Variants in POC1B observed in about 807,000 individuals in gnomAD.
The protein encoded by POC1B is POC1 centriolar protein homolog B.
Under a neutral mutation model 60.6 loss-of-function variants are expected in POC1B, and 44 were observed. The observed-to-expected ratio is 0.73, with a 90% CI of 0.57 to 0.93. The LOEUF (loss-of-function observed/expected upper bound fraction) is 0.93. Ranked by LOEUF, POC1B falls within the 40% of genes least tolerant of loss-of-function variation. POC1B has a pLI of 0.00. For synonymous variants in POC1B, 180 were observed against 198.9 expected (o/e 0.90, Z 0.80); for missense variants, 555 against 572.3 (o/e 0.97, Z 0.31).
At chr12:89,515,872 C>A (rs1870418614) in intron 2 of POC1B, among the ~76,000 whole-genome samples, 1 of 152,176 alleles carries the variant, frequency 6.6e-6, no homozygotes, top group South Asian at 2.1e-4. Flanking sequence ...TCATTTCTCT[C>A]CTTATTCAAT....
At chr12:89,523,563 T>C in intron 2 of POC1B, 1 of 1,595,158 alleles carries the variant, frequency 6.3e-7, no homozygotes. Flanking sequence ...CTTCCATTCC[T>C]GTGTCATACG....
chr12:89,515,523 G>A (rs4842493), intron 2 of POC1B, among the ~76,000 whole-genome samples: 109,953 of 151,920 alleles, frequency 0.72, 39,895 homozygotes, highest in Middle Eastern at 0.82. Context: ...TTTAGATAGA[G>A]TGATCAGGGG....
chr12:89,467,038 T>C, intron 8 of POC1B, 116 bp from the exon 9 acceptor site: 2 of 690,964 alleles, frequency 2.9e-6, no homozygotes, highest in South Asian at 3.3e-5. Context: ...GGTAGATATA[T>C]ATTTCAACTA....
chr12:89,459,811 T>C (rs1317413283), intron 9 of POC1B, 93 bp from the exon 10 acceptor site: 3 of 679,776 alleles, frequency 4.4e-6, no homozygotes, highest in African/African-American at 1.9e-5. Context: ...TTCTAATATA[T>C]TCTAAAATTA....
intron 2 of POC1B, chr12:89,500,989 T>G (rs1405663604): frequency 1.1e-6 from 1 of 924,492 alleles, no homozygotes; most frequent in African/African-American, 1.6e-5. Context: ...CCCGATGATA[T>G]GAAGTTGATA....
chr12:89,448,154 G>A (rs1881870106), intron 10 of POC1B, among the ~76,000 whole-genome samples: 1 of 152,014 alleles, frequency 6.6e-6, no homozygotes, highest in African/African-American at 2.4e-5. Context: ...AAAAATAAAA[G>A]TCAGGATGGG....
intron 10 of POC1B, among the ~76,000 whole-genome samples, chr12:89,432,341 G>A (rs958864202): frequency 2.4e-5 from 3 of 126,340 alleles, no homozygotes; most frequent in East Asian, 2.5e-4. Context: ...AGCCCAGATC[G>A]AGCCACTGTA....
the POC1B span, among the ~76,000 whole-genome samples, chr12:89,407,135 C>T: frequency 1.1e-4 from 12 of 104,972 alleles, no homozygotes; most frequent in South Asian, 3.3e-4. Flanking sequence ...GGTGACAGAG[C>T]GAGACTCCGT....
downstream of POC1B, among the ~76,000 whole-genome samples, chr12:89,415,354 A>T (rs1486943282): frequency 1.3e-5 from 2 of 152,234 alleles, no homozygotes; most frequent in African/African-American, 4.8e-5. Flanking sequence ...TTTATTAATA[A>T]CAATAATAGC....
chr12:89,502,221 G>A lies in POC1B; in HGVS notation c.101-4879C>T. 8.6e-6 allele frequency: 10 copies of A among 1,164,832 alleles called. No individual in the cohort carries two copies. The South Asian group carries it at 1.3e-4, about 15-fold the overall frequency. 72.2% of individuals were successfully genotyped at this position (1,164,832 alleles called of 1,614,324 possible). A position where few individuals can be genotyped will look rare whatever the true frequency, so the allele number is the denominator to read the frequency against. On this transcript the variant is annotated intron_variant, in intron 2 of 11. Coordinates refer to ENST00000313546, the MANE Select transcript of POC1B (RefSeq NM_172240.3). ...AGAATAATAATGATGTGGATGATGA[G>A]GAAGTTCCTGGAAGTTCAGATGACT...
chr12:89,463,072 C>CT lies in POC1B; in HGVS notation c.1033-3355dup, dbSNP rs551913963. On this transcript the variant is annotated intron_variant, in intron 9 of 11. Coordinates refer to ENST00000313546, the MANE Select transcript of POC1B (RefSeq NM_172240.3). ...TAAAAACTTAAATTGATCACTTGTA[C>CT]TTTTCAACAATGAATCATGGTCAGA... Among the ~76,000 whole-genome samples, 407 of 152,216 alleles carry CT rather than the reference C, an allele frequency of 2.7e-3. 1 individual carries two copies. Among genetic ancestry groups the CT allele is most frequent in the Middle Eastern group, 6.8e-3 (2 of 294 alleles).
At chr12:89,492,140 A>G (rs748737187) in intron 3 of POC1B, 25 bp from the exon 4 acceptor site, 3 of 1,476,028 alleles carry the variant, frequency 2.0e-6, no homozygotes, top group East Asian at 4.6e-5. Flanking sequence ...TTTAATATTT[A>G]TAACTCATTT....
At chr12:89,431,516 C>T (rs965278694) in intron 10 of POC1B, among the ~76,000 whole-genome samples, 3 of 151,506 alleles carry the variant, frequency 2.0e-5, no homozygotes, top group African/African-American at 7.3e-5. Context: ...AGAATAACAA[C>T]AAAAAAAGCC....
chr12:89,501,408 T>C, intron 2 of POC1B: 3 of 999,312 alleles, frequency 3.0e-6, no homozygotes, highest in East Asian at 2.4e-5. Context: ...AACAGCTCGA[T>C]GTGGGACAGA....
chr12:89,445,278 A>G (rs1367317008), intron 10 of POC1B, among the ~76,000 whole-genome samples: 2 of 152,212 alleles, frequency 1.3e-5, no homozygotes, highest in East Asian at 3.8e-4. Flanking sequence ...TATGGAACCA[A>G]AAAAGAGCTC....
intron 4 of POC1B, among the ~76,000 whole-genome samples, chr12:89,491,519 G>C (rs567531839): frequency 5.4e-4 from 81 of 150,706 alleles, no homozygotes; most frequent in African/African-American, 1.9e-3. Flanking sequence ...CAGCTACTCA[G>C]AGTCTGAGGT....
intron 10 of POC1B, among the ~76,000 whole-genome samples, chr12:89,430,973 C>T (rs1881005941): frequency 6.6e-6 from 1 of 151,950 alleles, no homozygotes; most frequent in South Asian, 2.1e-4. Flanking sequence ...TCTTAAATGC[C>T]TTCTCAGAGG....
chr12:89,475,974 T>C (rs1167348095), intron 4 of POC1B, among the ~76,000 whole-genome samples: 2 of 141,172 alleles, frequency 1.4e-5, no homozygotes. Flanking sequence ...TGGTGCAATC[T>C]CGGCTTATTT....
intron 4 of POC1B, among the ~76,000 whole-genome samples, chr12:89,489,274 ATCT>A (rs1246829345): frequency 3.3e-5 from 5 of 152,222 alleles, no homozygotes; most frequent in Admixed American, 2.6e-4. Context: ...TACTACTATC[ATCT>A]TCTTATTTTC....
Sources: allele counts gnomAD v4.1 joint callset (sites outside exome capture counted in the v4.1 genomes callset), GRCh38; gene constraint gnomAD v4.1.1; transcripts MANE v1.5; gene names NCBI Gene and HGNC (gene_info 2026-07-23, HGNC 2026-07-21).